The following KIF6 variants were observed in gnomAD, a reference collection of about 807,000 sequenced individuals.
KIF6 encodes the protein kinesin family member 6, also known as kinesin-like protein KIF6.
KIF6 carries 106 observed loss-of-function variants against 112.7 expected under a neutral mutation model. The observed-to-expected ratio is 0.94, with a 90% CI of 0.80 to 1.11. KIF6 has a LOEUF of 1.11. Among genes scored for constraint, KIF6 ranks in the 50% least tolerant of loss-of-function variants. The pLI is 0.00. For synonymous variants in KIF6, 339 were observed against 339.9 expected, an observed-to-expected ratio of 1.00 and a Z score of 0.03; for missense variants, 929 against 964.0, an observed-to-expected ratio of 0.96 and a Z score of 0.48.
chr6:39,596,447 T>G (rs1782274489), intron 6 of KIF6, among the ~76,000 whole-genome samples, 187 bp from the exon 7 acceptor site: 1 of 152,200 alleles, frequency 6.6e-6, no homozygotes, highest in Admixed American at 6.5e-5. Flanking sequence ...CTTGGATTAC[T>G]GATGACAAAT....
chr6:39,499,783 T>A (rs1029762370), intron 13 of KIF6, among the ~76,000 whole-genome samples: 11 of 152,226 alleles, frequency 7.2e-5, no homozygotes, highest in African/African-American at 2.7e-4. Context: ...CTCCCTCATA[T>A]ACCTTCAAGG....
chr6:39,374,403 G>T (rs1184657736), intron 16 of KIF6, among the ~76,000 whole-genome samples: 1 of 152,156 alleles, frequency 6.6e-6, no homozygotes, highest in Non-Finnish European at 1.5e-5. Context: ...AAACGCTTTT[G>T]CACAGCAAAG....
intron 7 of KIF6, among the ~76,000 whole-genome samples, chr6:39,592,471 G>A (rs147681598): frequency 3.3e-5 from 5 of 152,248 alleles, no homozygotes; most frequent in African/African-American, 4.8e-5. Flanking sequence ...CTAAAACTCT[G>A]AGAAAGTCCC....
At chr6:39,516,184 G>C (rs947620555) in intron 13 of KIF6, among the ~76,000 whole-genome samples, 4 of 152,060 alleles carry the variant, frequency 2.6e-5, no homozygotes, top group African/African-American at 7.2e-5. Context: ...GTGTCATGTG[G>C]ACACAGGGCT....
chr6:39,407,783 G>A (rs1356373331), intron 15 of KIF6, among the ~76,000 whole-genome samples: 1 of 152,160 alleles, frequency 6.6e-6, no homozygotes, highest in African/African-American at 2.4e-5. Flanking sequence ...CAAATGATCT[G>A]AAATCACCAT....
chr6:39,682,386 A>C (rs1582440001), intron 3 of KIF6, among the ~76,000 whole-genome samples: 2 of 152,212 alleles, frequency 1.3e-5, no homozygotes, highest in East Asian at 3.8e-4. Flanking sequence ...AGGCAACTGT[A>C]ACACAGTACT....
At chr6:39,450,316 G>T (rs534154165) in intron 13 of KIF6, among the ~76,000 whole-genome samples, 1 of 152,208 alleles carries the variant, frequency 6.6e-6, no homozygotes, top group African/African-American at 2.4e-5. Context: ...TTTCAGAGGA[G>T]TTTTGCTTTC....
chr6:39,628,039 C>T lies in KIF6; in HGVS notation c.509+6810G>A, dbSNP rs544055902. On this transcript the variant is annotated intron_variant, in intron 5 of 22. Transcript: ENST00000287152. ...CTATATACAAATATATAGCCAATTA[C>T]TTTTTAAATTAAACCTTTTGAGATT... Among the ~76,000 whole-genome samples, 282 of 152,124 alleles carry T rather than the reference C, an allele frequency of 1.9e-3. 1 individual carries two copies. Among genetic ancestry groups the T allele is most frequent in the African/African-American group, 6.2e-3 (259 of 41,522 alleles).
chr6:39,712,764 GAC>G (rs1315081432), intron 3 of KIF6, among the ~76,000 whole-genome samples: 2 of 152,058 alleles, frequency 1.3e-5, no homozygotes, highest in Non-Finnish European at 2.9e-5. Context: ...AAAACACTTG[GAC>G]ACAGGGTGGG....
intron 13 of KIF6, among the ~76,000 whole-genome samples, chr6:39,438,218 C>T (rs1771677866): frequency 2.0e-5 from 3 of 152,204 alleles, no homozygotes; most frequent in Admixed American, 2.0e-4. Flanking sequence ...AGGTGATCCA[C>T]CTGCCTCAGC....
chr6:39,524,468 C>T (rs796387012), intron 13 of KIF6, among the ~76,000 whole-genome samples: 82 of 152,276 alleles, frequency 5.4e-4, no homozygotes, highest in African/African-American at 1.9e-3. Flanking sequence ...CATCCAGATA[C>T]CCCTTGAAGA....
At chr6:39,524,122 C>CTGTG (rs146618011) in intron 13 of KIF6, among the ~76,000 whole-genome samples, 2 of 145,442 alleles carry the variant, frequency 1.4e-5, no homozygotes, top group Admixed American at 7.0e-5. Context: ...TTGGGCAAGG[C>CTGTG]TGTGTGTGTG....
At chr6:39,568,594 AGGCTGGAGCACAGT>A (rs1296885323) in intron 10 of KIF6, among the ~76,000 whole-genome samples, 2 of 151,266 alleles carry the variant, frequency 1.3e-5, no homozygotes, top group Admixed American at 6.6e-5. Flanking sequence ...CTTGTCACCC[AGGCTGGAGCACAGT>A]GGCGCAACCT....
chr6:39,538,304 C>T (rs377168290), intron 13 of KIF6, among the ~76,000 whole-genome samples: 5,362 of 150,080 alleles, frequency 0.036, 190 homozygotes, highest in East Asian at 0.22. Context: ...AGAAAATTTT[C>T]GCAACCTACT....
chr6:39,690,156 G>C (rs1352962974), intron 3 of KIF6: 1 of 152,038 alleles, frequency 6.6e-6, no homozygotes, highest in African/African-American at 2.4e-5. Context: ...TACTAATACA[G>C]TGATATAAAC....
chr6:39,358,369 A>G (rs1446194579), intron 18 of KIF6, among the ~76,000 whole-genome samples: 1 of 152,238 alleles, frequency 6.6e-6, no homozygotes, highest in Non-Finnish European at 1.5e-5. Flanking sequence ...GCTCAGGGGC[A>G]GCATGGAATT....
At chr6:39,567,622 T>C (rs1175790864) in intron 10 of KIF6, among the ~76,000 whole-genome samples, 1 of 151,954 alleles carries the variant, frequency 6.6e-6, no homozygotes, top group Non-Finnish European at 1.5e-5. Flanking sequence ...TTTTTTTTTT[T>C]TTTGAGACGG....
chr6:39,337,064 C>A (rs943238024), intron 22 of KIF6, among the ~76,000 whole-genome samples: 1 of 94,834 alleles, frequency 1.1e-5, no homozygotes, highest in African/African-American at 3.7e-5. Context: ...TTCTTTCTTT[C>A]TTTCTCTTTC....
At chr6:39,380,855 A>G (rs1028642560) in intron 16 of KIF6, among the ~76,000 whole-genome samples, 1 of 152,256 alleles carries the variant, frequency 6.6e-6, no homozygotes, top group Non-Finnish European at 1.5e-5. Flanking sequence ...GTAGTAAATT[A>G]ACTAGGAAGT....
Sources: allele counts gnomAD v4.1 joint callset (sites outside exome capture counted in the v4.1 genomes callset), GRCh38; gene constraint gnomAD v4.1.1; transcripts MANE v1.5; gene names NCBI Gene and HGNC (gene_info 2026-07-23, HGNC 2026-07-21).